PTPRJ: variants seen among roughly 807,000 people sequenced by gnomAD.
The protein encoded by PTPRJ is receptor-type tyrosine-protein phosphatase eta.
A neutral mutation model predicts 141.3 loss-of-function variants in PTPRJ; 129 were observed. That is an observed-to-expected ratio of 0.91 (90% CI 0.79 to 1.06). The LOEUF (loss-of-function observed/expected upper bound fraction) is 1.06, where lower values mean the gene tolerates loss of function less well. Ranked by LOEUF, PTPRJ falls within the 50% of genes least tolerant of loss-of-function variation. PTPRJ has a pLI of 0.00. For missense variants in PTPRJ, 1,601 were observed against 1,679.7 expected (o/e 0.95, Z 0.82); for synonymous variants, 610 against 640.5 (o/e 0.95, Z 0.72).
chr11:48,035,382 T>C (rs1447084062), intron 1 of PTPRJ, among the ~76,000 whole-genome samples: 1 of 152,156 alleles, frequency 6.6e-6, no homozygotes, highest in Non-Finnish European at 1.5e-5. Context: ...ACATACACGG[T>C]AATGTGCAAG....
chr11:48,109,277 T>A (rs556035765), intron 1 of PTPRJ, among the ~76,000 whole-genome samples: 2,025 of 113,824 alleles, frequency 0.018, 53 homozygotes, highest in African/African-American at 0.047. Context: ...TTCGTGACGA[T>A]CCTACTTAAA....
intron 1 of PTPRJ, among the ~76,000 whole-genome samples, chr11:47,982,590 C>CA (rs1262179983): frequency 6.6e-6 from 1 of 151,488 alleles, no homozygotes; most frequent in Non-Finnish European, 1.5e-5. Context: ...ACAAAAACCA[C>CA]AAAAAACAGA....
chr11:48,158,035 C>T lies in PTPRJ; in HGVS notation c.3439-1895C>T, dbSNP rs1857655727. ...GGCGTGGTGGTGCATGCCTGTAATC[C>T]CAGCTACTTGGGAGGCTGAGGCAGG... On this transcript the variant is annotated intron_variant, in intron 21 of 24. Transcript: ENST00000418331. The surrounding 1 kb of genome is among the most constrained non-coding windows in gnomAD (Gnocchi z 4.4). Among the ~76,000 whole-genome samples, 1 of 152,096 alleles carries T rather than the reference C, an allele frequency of 6.6e-6. No individual in the cohort carries two copies. Among genetic ancestry groups the T allele is most frequent in the African/African-American group, 2.4e-5 (1 of 41,400 alleles).
rs553236458 is a variant in PTPRJ at position 48,036,776 on chromosome 11, C to T, written c.96+55768C>T. Among the ~76,000 whole-genome samples the T allele has an allele frequency of 5.3e-5, 8 of 152,304 alleles. No homozygotes were observed. The South Asian group carries it at 1.7e-3, about 32-fold the overall frequency. ...AGCGCTCTTTATACTGATGTGAGTTCTCCTGTCTTTTTTACCTATCAGAAT... is the reference window on the plus strand; with the variant it reads ...AGCGCTCTTTATACTGATGTGAGTTTTCCTGTCTTTTTTACCTATCAGAAT... On this transcript the variant is annotated intron_variant, in intron 1 of 24. Transcript: ENST00000418331.
chr11:48,049,917 A>G (rs1854518669), intron 1 of PTPRJ, among the ~76,000 whole-genome samples: 1 of 152,148 alleles, frequency 6.6e-6, no homozygotes, highest in Non-Finnish European at 1.5e-5. Context: ...TCTTTTTGCA[A>G]TGGAAGCTTG....
intron 1 of PTPRJ, among the ~76,000 whole-genome samples, chr11:48,077,587 G>A (rs535456022): frequency 5.3e-4 from 80 of 152,210 alleles, no homozygotes; most frequent in Admixed American, 3.1e-3. Context: ...CTTACGGAGC[G>A]TGCTACAGTC....
chr11:47,989,129 C>T (rs183076363), intron 1 of PTPRJ, among the ~76,000 whole-genome samples: 2,663 of 151,508 alleles, frequency 0.018, 92 homozygotes, highest in African/African-American at 0.061. Context: ...GTGATCCGCC[C>T]GCCTCGGCCT....
At chr11:47,997,484 C>T (rs1854371123) in intron 1 of PTPRJ, among the ~76,000 whole-genome samples, 1 of 152,214 alleles carries the variant, frequency 6.6e-6, no homozygotes, top group South Asian at 2.1e-4. Context: ...CCTTCTCATT[C>T]ACTGAGTCCT....
chr11:48,150,415 G>A (rs1460834957), intron 18 of PTPRJ, among the ~76,000 whole-genome samples: 1 of 152,192 alleles, frequency 6.6e-6, no homozygotes, highest in East Asian at 1.9e-4. Flanking sequence ...TACATTAAAT[G>A]GCTATATAAC....
At chr11:48,071,407 C>T (rs1424219934) in intron 1 of PTPRJ, among the ~76,000 whole-genome samples, 1 of 151,820 alleles carries the variant, frequency 6.6e-6, no homozygotes, top group African/African-American at 2.4e-5. Flanking sequence ...CCCTCCGCCT[C>T]CCGGGTTCAC....
intron 21 of PTPRJ, among the ~76,000 whole-genome samples, chr11:48,156,752 AT>A (rs889983127): frequency 6.6e-6 from 1 of 151,474 alleles, no homozygotes; most frequent in Non-Finnish European, 1.5e-5. Context: ...TGCCTGGATA[AT>A]TTTTTTTATT....
intron 1 of PTPRJ, among the ~76,000 whole-genome samples, chr11:48,013,470 G>A (rs1340392662): frequency 6.6e-6 from 1 of 152,166 alleles, no homozygotes; most frequent in African/African-American, 2.4e-5. Flanking sequence ...GATGAGGCCT[G>A]GCCTCCCGGA....
intron 1 of PTPRJ, among the ~76,000 whole-genome samples, chr11:48,107,818 C>T (rs1856333008): frequency 6.6e-6 from 1 of 152,198 alleles, no homozygotes; most frequent in South Asian, 2.1e-4. Flanking sequence ...CATGGTGGCT[C>T]ATGCCTGTAA....
At chr11:48,085,966 G>T (rs1486016532) in intron 1 of PTPRJ, among the ~76,000 whole-genome samples, 1 of 152,090 alleles carries the variant, frequency 6.6e-6, no homozygotes, top group African/African-American at 2.4e-5. Flanking sequence ...CAGGGGTCTG[G>T]GGGTGGGGTG....
At chr11:48,086,289 A>G (rs1273712442) in intron 1 of PTPRJ, among the ~76,000 whole-genome samples, 1 of 152,098 alleles carries the variant, frequency 6.6e-6, no homozygotes, top group Non-Finnish European at 1.5e-5. Context: ...CTCCTGCCTC[A>G]GCTTCCCGAG....
intron 8 of PTPRJ, chr11:48,132,756 T>TTTTTGAGATTCTCCTTGAAG: frequency 1.0e-6 from 1 of 963,900 alleles, no homozygotes. Context: ...TGAAATGAGT[T>TTTTTGAGATTCTCCTTGAAG]ACGCTTTTGA....
At chr11:48,054,058 G>T (rs896870930) in intron 1 of PTPRJ, among the ~76,000 whole-genome samples, 1 of 149,148 alleles carries the variant, frequency 6.7e-6, no homozygotes, top group Non-Finnish European at 1.5e-5. Context: ...TCAGCCTCCC[G>T]AGTAGCTGGG....
At position 48,123,071 on chromosome 11, in the gene PTPRJ, A is replaced by G. The variant is rs146026915; in HGVS notation, c.617-542A>G. Among the ~76,000 whole-genome samples, 664 of 152,368 alleles carry G rather than the reference A, an allele frequency of 4.4e-3. 4 individuals carry two copies. Among genetic ancestry groups the G allele is most frequent in the Middle Eastern group, 6.8e-3 (2 of 294 alleles). On this transcript the variant is annotated intron_variant, in intron 4 of 24. Coordinates refer to ENST00000418331, the MANE Select transcript of PTPRJ (RefSeq NM_002843.4). ...ACCATCAACCAAATAACGCGATGGG[A>G]GGAAGGTCCAGGATATAGTGGAGAT...
chr11:48,005,276 AC>A (rs1462703664), intron 1 of PTPRJ, among the ~76,000 whole-genome samples: 1 of 151,902 alleles, frequency 6.6e-6, no homozygotes, highest in Non-Finnish European at 1.5e-5. Context: ...GAATTGTGCA[AC>A]CATCACTGCT....
Sources: allele counts gnomAD v4.1 joint callset (sites outside exome capture counted in the v4.1 genomes callset), GRCh38; gene constraint gnomAD v4.1.1; non-coding constraint Gnocchi (gnomAD v3.1); transcripts MANE v1.5; gene names NCBI Gene and HGNC (gene_info 2026-07-23, HGNC 2026-07-21).